ADGRB3: variants seen among roughly 807,000 people sequenced by gnomAD.
ADGRB3 encodes the protein adhesion G protein-coupled receptor B3.
A neutral mutation model predicts 193.4 loss-of-function variants in ADGRB3; 37 were observed. The observed-to-expected ratio is 0.19, with a 90% CI of 0.15 to 0.25. ADGRB3 has a LOEUF of 0.25. ADGRB3 is among the 10% of genes least tolerant of loss of function. ADGRB3 has a pLI of 1.00. For synonymous variants in ADGRB3, 690 were observed against 644.2 expected (o/e 1.07, Z -1.08); for missense variants, 1,637 against 1,852.9 (o/e 0.88, Z 2.14).
chr6:69,110,428 G>A (rs1388457629), intron 17 of ADGRB3, among the ~76,000 whole-genome samples: 1 of 151,876 alleles, frequency 6.6e-6, no homozygotes, highest in African/African-American at 2.4e-5. Flanking sequence ...TGTTGAAAAA[G>A]AAAACCACAA....
Position 69,388,727 on chromosome 6 carries a change from C to A in ADGRB3, c.4405C>A (p.Pro1469Thr), listed in dbSNP as rs200465903. The change falls in exon 32 of 32, where the codon CCA becomes ACA. Residue 1469 changes from proline to threonine, a missense_variant. Transcript: ENST00000370598. ...GGAAAACCCCGCACCAAACAAGAAT[C>A]CATGGGACACTTTCAAAAACCCCAG... ...SMENPAPNKN[P>T]WDTFKNPSEY... 2 of 1,613,140 alleles carry A rather than the reference C, an allele frequency of 1.2e-6. No homozygotes were observed. Among genetic ancestry groups the A allele is most frequent in the East Asian group, 2.2e-5 (1 of 44,820 alleles).
chr6:68,676,414 AAAG>A (rs1308150275), intron 3 of ADGRB3, among the ~76,000 whole-genome samples: 1 of 151,420 alleles, frequency 6.6e-6, no homozygotes, highest in African/African-American at 2.4e-5. Context: ...AAAAAAAAGA[AAAG>A]GAGAGAGAGA....
chr6:69,249,209 C>T (rs1010238649), intron 20 of ADGRB3, among the ~76,000 whole-genome samples: 2 of 152,106 alleles, frequency 1.3e-5, no homozygotes, highest in African/African-American at 4.8e-5. Context: ...AACTCCTGAC[C>T]TCGTGTTCTG....
chr6:68,791,094 A>G (rs1051471511), intron 3 of ADGRB3, among the ~76,000 whole-genome samples: 2 of 151,978 alleles, frequency 1.3e-5, no homozygotes, highest in Admixed American at 6.6e-5. Flanking sequence ...GACAAATTAC[A>G]TACTTAAGTG....
At chr6:69,122,232 C>T (rs903600458) in intron 17 of ADGRB3, among the ~76,000 whole-genome samples, 5 of 151,610 alleles carry the variant, frequency 3.3e-5, no homozygotes, top group Non-Finnish European at 5.9e-5. Flanking sequence ...GCAGACCACT[C>T]GAGGTCAGGA....
At chr6:69,225,074 T>G (rs1218876254) in intron 17 of ADGRB3, among the ~76,000 whole-genome samples, 1 of 152,160 alleles carries the variant, frequency 6.6e-6, no homozygotes, top group East Asian at 1.9e-4. Flanking sequence ...GGGAGATTGA[T>G]CCCCACCTCA....
rs1769450361 is a variant in ADGRB3 at position 69,361,478 on chromosome 6, A to G, written c.4205A>G (p.Glu1402Gly). Reference protein sequence around the residue: ...LDDNAGLSRSETGSTISMSSL... With the variant: ...LDDNAGLSRSGTGSTISMSSL... ...GATAATGCAGGACTATCAAGAAGTG[A>G]AACTGGATCAACGATATCAATGAGT... Residue 1402 changes from glutamate to glycine, a missense_variant, in exon 29 of 32, where the codon GAA becomes GGA. Physicochemically the swap from Glu to Gly is moderately conservative, Grantham distance 98. This residue lies in a region of ADGRB3 where 368 missense variants were observed against 367.4 expected (regional missense o/e 1.00). Transcript: ENST00000370598. 1.2e-6 allele frequency: 2 copies of G among 1,612,408 alleles called. No individual in the cohort carries two copies. Among genetic ancestry groups the G allele is most frequent in the Non-Finnish European group, 1.7e-6 (2 of 1,178,958 alleles).
chr6:69,133,745 A>T (rs1774076353), intron 17 of ADGRB3, among the ~76,000 whole-genome samples: 1 of 151,790 alleles, frequency 6.6e-6, no homozygotes, highest in African/African-American at 2.4e-5. Flanking sequence ...TGCATGAAAA[A>T]GTTCATTCAT....
chr6:69,028,748 A>G (rs931762386), intron 13 of ADGRB3, among the ~76,000 whole-genome samples: 4 of 152,176 alleles, frequency 2.6e-5, no homozygotes, highest in Non-Finnish European at 5.9e-5. Flanking sequence ...TAAACTTTCT[A>G]TATTATCACA....
intron 3 of ADGRB3, among the ~76,000 whole-genome samples, chr6:68,781,758 A>G (rs932977107): frequency 7.9e-5 from 12 of 152,102 alleles, no homozygotes; most frequent in African/African-American, 2.6e-4. Flanking sequence ...ACAAAGAGAA[A>G]AGTGGGGCTC....
intron 16 of ADGRB3, among the ~76,000 whole-genome samples, chr6:69,068,841 TG>T (rs1422580367): frequency 6.6e-6 from 1 of 152,206 alleles, no homozygotes; most frequent in African/African-American, 2.4e-5. Flanking sequence ...TGAATAGCTA[TG>T]TAACATAGAT....
At chr6:69,365,560 A>G (rs1769550111) in intron 29 of ADGRB3, among the ~76,000 whole-genome samples, 1 of 152,030 alleles carries the variant, frequency 6.6e-6, no homozygotes, top group African/African-American at 2.4e-5. Flanking sequence ...TCTTGCCTTA[A>G]TTTTTCTTAT....
chr6:69,297,099 T>TA (rs1449661500), intron 20 of ADGRB3, among the ~76,000 whole-genome samples: 1 of 152,128 alleles, frequency 6.6e-6, no homozygotes, highest in Non-Finnish European at 1.5e-5. Flanking sequence ...ACTGCATCGA[T>TA]AATGGAAACT....
At chr6:68,949,019 A>C (rs546615350) in intron 6 of ADGRB3, among the ~76,000 whole-genome samples, 1 of 152,098 alleles carries the variant, frequency 6.6e-6, no homozygotes, top group African/African-American at 2.4e-5. Flanking sequence ...ACCCCTCTAT[A>C]TTACAGGATT....
chr6:69,210,148 T>TAATATATATATATA (rs1561953521), intron 17 of ADGRB3, among the ~76,000 whole-genome samples: 1 of 39,074 alleles, frequency 2.6e-5, no homozygotes, highest in South Asian at 4.2e-4. Flanking sequence ...TTAATATATA[T>TAATATATATATATA]CATATATATA....
Position 68,638,394 on chromosome 6 carries a change from T to A in ADGRB3, c.-15-267T>A, listed in dbSNP as rs893871669. On this transcript the variant is annotated intron_variant, in intron 2 of 31. Coordinates refer to ENST00000370598, the MANE Select transcript of ADGRB3 (RefSeq NM_001704.3). ...CGTGGAGGATATCCTAGTAGATAAG[T>A]TAGGGCATTCCTATTAATAATCTAT... is the stretch of plus-strand genomic sequence containing the variant. 7.2e-5 allele frequency among the ~76,000 whole-genome samples: 11 copies of A among 152,242 alleles called. 1 individual carries two copies. The South Asian group carries it at 2.3e-3, about 31-fold the overall frequency.
At chr6:69,021,248 A>G (rs1262331405) in intron 13 of ADGRB3, among the ~76,000 whole-genome samples, 3 of 152,026 alleles carry the variant, frequency 2.0e-5, no homozygotes, top group Non-Finnish European at 4.4e-5. Context: ...CAAAAATCAT[A>G]ATGTATTTTA....
chr6:69,045,859 A>G (rs544629849), intron 13 of ADGRB3, among the ~76,000 whole-genome samples: 1 of 152,276 alleles, frequency 6.6e-6, no homozygotes, highest in African/African-American at 2.4e-5. Flanking sequence ...CTTATTGCAT[A>G]AATTAGTGAC....
rs1487656372 is a variant in ADGRB3, at chr6:69,237,728, C to T, written c.2712-1396C>T. On this transcript the variant is annotated intron_variant, in intron 19 of 31. Transcript: ENST00000370598. ...TAATGTCATCTGTGTGTTTGTGCTT[C>T]CATGGAAGCCATTAACATCAAACAA... 1.3e-5 allele frequency among the ~76,000 whole-genome samples: 2 copies of T among 152,012 alleles called. 1 individual carries two copies. The highest frequency in any genetic ancestry group is 2.9e-5 in the Non-Finnish European group (2 of 67,948).
Sources: gnomAD v4.1 joint callset for allele counts (sites outside exome capture counted in the v4.1 genomes callset) on GRCh38, gnomAD v4.1.1 for gene constraint, gnomAD v4.1.1 regional missense constraint, MANE v1.5 for transcripts, NCBI Gene and HGNC (gene_info 2026-07-23, HGNC 2026-07-21) for gene names.